The following HM13 variants were observed in gnomAD, a reference collection of about 807,000 sequenced individuals.
HM13 encodes the protein signal peptide peptidase.
HM13 carries 18 observed loss-of-function variants against 50.0 expected under a neutral mutation model. The observed-to-expected ratio is 0.36, with a 90% CI of 0.25 to 0.53. The LOEUF (loss-of-function observed/expected upper bound fraction) is 0.53, where lower values mean the gene tolerates loss of function less well. Ranked by LOEUF, HM13 falls within the 20% of genes least tolerant of loss-of-function variation. The pLI is 0.90. For missense variants in HM13, 393 were observed against 552.4 expected, an observed-to-expected ratio of 0.71 and a Z score of 2.89; for synonymous variants, 197 against 232.6, an observed-to-expected ratio of 0.85 and a Z score of 1.39.
rs6142177 is a variant in HM13 at position 31,536,564 on chromosome 20, A to G, written c.283-1615A>G. ...TGTCAAACCCTGCCATCAGCACTCC[A>G]GTACCAGCCTGTCTCATGCAGGCAA... On this transcript the variant is annotated intron_variant, in intron 2 of 12. Coordinates refer to ENST00000398174, the MANE Select transcript of HM13 (RefSeq NM_178581.3). Among the ~76,000 whole-genome samples the G allele has an allele frequency of 1.1e-4, 17 of 152,246 alleles. No individual in the cohort carries two copies. The East Asian group carries it at 3.3e-3, about 29-fold the overall frequency.
chr20:31,523,047 A>AGG (rs1568779740), intron 1 of HM13, among the ~76,000 whole-genome samples: 1 of 135,320 alleles, frequency 7.4e-6, no homozygotes, highest in Non-Finnish European at 1.5e-5. Flanking sequence ...TTTTTTTGGG[A>AGG]GGGGGGCTTT....
chr20:31,539,589 A>C (rs6058058), intron 3 of HM13: 139,148 of 743,852 alleles, frequency 0.19, 17,898 homozygotes, highest in African/African-American at 0.59. Flanking sequence ...AGGTCAGGAG[A>C]TTGAGACCAT....
chr20:31,550,038 A>C, intron 6 of HM13, 26 bp from the exon 7 acceptor site: 1 of 1,592,574 alleles, frequency 6.3e-7, no homozygotes, highest in Non-Finnish European at 8.6e-7. Context: ...ACTTCCCTTC[A>C]TACTGCTCTT....
intron 2 of HM13, among the ~76,000 whole-genome samples, chr20:31,534,157 C>T (rs960042537): frequency 5.9e-5 from 9 of 152,178 alleles, no homozygotes; most frequent in East Asian, 5.8e-4. Flanking sequence ...GGATTACAGG[C>T]GCAAGCCACT....
chr20:31,554,723 C>A, intron 7 of HM13, 23 bp from the exon 8 acceptor site: 1 of 1,604,502 alleles, frequency 6.2e-7, no homozygotes, highest in Non-Finnish European at 8.5e-7. Flanking sequence ...GCTGACTCCT[C>A]ACATTCCCGC....
chr20:31,551,635 AG>A (rs1984038474), intron 7 of HM13, among the ~76,000 whole-genome samples: 3 of 152,232 alleles, frequency 2.0e-5, no homozygotes, highest in Admixed American at 2.0e-4. Context: ...AGAATCCGTC[AG>A]GCATGCTAGC....
At chr20:31,558,869 G>T (rs113826027) in intron 8 of HM13, among the ~76,000 whole-genome samples, 1 of 151,208 alleles carries the variant, frequency 6.6e-6, no homozygotes, top group African/African-American at 2.4e-5. Context: ...GACTACAGGT[G>T]CCTGCCACCA....
At chr20:31,534,512 C>T (rs1466662808) in intron 2 of HM13, among the ~76,000 whole-genome samples, 2 of 152,048 alleles carry the variant, frequency 1.3e-5, no homozygotes, top group East Asian at 3.9e-4. Flanking sequence ...GGCTGGGCAC[C>T]GTGGCTCACG....
intron 11 of HM13, among the ~76,000 whole-genome samples, chr20:31,567,196 TA>T (rs1035902168): frequency 2.0e-5 from 3 of 152,166 alleles, no homozygotes; most frequent in Non-Finnish European, 4.4e-5. Flanking sequence ...AAGTGGGGGC[TA>T]GGGGTGAACT....
rs147846141 is a variant in HM13, at chr20:31,535,970, T to C, written c.283-2209T>C. Among the ~76,000 whole-genome samples the C allele has an allele frequency of 4.5e-3, 681 of 152,324 alleles. 4 individuals are homozygous for C. The highest frequency in any genetic ancestry group is 0.016 in the African/African-American group (650 of 41,574). On this transcript the variant is annotated intron_variant, in intron 2 of 12. Transcript: ENST00000398174. Reference sequence around the variant, plus strand: ...CCCCTTATCCACAACAGCACCTGCATTGACCTAGCTCAGCCGAAACTCCAG... The same window carrying C: ...CCCCTTATCCACAACAGCACCTGCACTGACCTAGCTCAGCCGAAACTCCAG...
chr20:31,526,648 A>G (rs978678839), intron 1 of HM13, among the ~76,000 whole-genome samples: 1 of 152,174 alleles, frequency 6.6e-6, no homozygotes, highest in East Asian at 1.9e-4. Flanking sequence ...GCCATTATAA[A>G]TTTAATTGTG....
In HM13 at chr20:31,532,534, C is replaced by T. The variant is rs7262410; in HGVS notation, c.282+4952C>T. Among the ~76,000 whole-genome samples the T allele has an allele frequency of 9.3e-3, 1,416 of 152,130 alleles. 18 individuals carry two copies. Among genetic ancestry groups the T allele is most frequent in the African/African-American group, 0.032 (1,345 of 41,488 alleles). On this transcript the variant is annotated intron_variant, in intron 2 of 12. Transcript: ENST00000398174. ...ACTTTTTTTTTTTTCCCACTTCACT[C>T]CAATATCCACCTCCATTTCCCACCT...
intron 9 of HM13, among the ~76,000 whole-genome samples, chr20:31,561,317 G>C (rs1984596109): frequency 6.6e-6 from 1 of 152,140 alleles, no homozygotes; most frequent in South Asian, 2.1e-4. Context: ...AAGCTTTCCA[G>C]ATGATTTTTA....
intron 1 of HM13, among the ~76,000 whole-genome samples, chr20:31,526,501 T>C (rs1982501307): frequency 1.3e-5 from 2 of 152,216 alleles, no homozygotes; most frequent in Admixed American, 1.3e-4. Context: ...CCTATGTTGA[T>C]CTGTTACTCC....
intron 2 of HM13, among the ~76,000 whole-genome samples, chr20:31,529,342 C>T (rs1193426534): frequency 6.6e-6 from 1 of 152,088 alleles, no homozygotes; most frequent in Non-Finnish European, 1.5e-5. Flanking sequence ...ACCTCCTGGG[C>T]TCAAGCGATC....
At chr20:31,556,750 GTGGCTTAAGCC>G (rs1335151822) in intron 8 of HM13, among the ~76,000 whole-genome samples, 1 of 151,942 alleles carries the variant, frequency 6.6e-6, no homozygotes, top group Non-Finnish European at 1.5e-5. Flanking sequence ...GCCGGGCACG[GTGGCTTAAGCC>G]TGTAATCCCA....
At chr20:31,553,443 G>C (rs1293824552) in intron 7 of HM13, among the ~76,000 whole-genome samples, 1 of 152,148 alleles carries the variant, frequency 6.6e-6, no homozygotes, top group African/African-American at 2.4e-5. Context: ...GACTGGATTA[G>C]TAAAGAAGGC....
chr20:31,553,257 C>G (rs1984125513), intron 7 of HM13, among the ~76,000 whole-genome samples: 1 of 144,116 alleles, frequency 6.9e-6, no homozygotes, highest in Admixed American at 7.4e-5. Context: ...TATTGCGCCA[C>G]TGGACTCCAG....
intron 7 of HM13, among the ~76,000 whole-genome samples, chr20:31,553,280 A>G (rs1984126467): frequency 7.3e-6 from 1 of 137,890 alleles, no homozygotes; most frequent in Non-Finnish European, 1.5e-5. Context: ...TGGGCAACAG[A>G]GCGAGACTCC....
Sources: gnomAD v4.1 joint callset for allele counts (sites outside exome capture counted in the v4.1 genomes callset) on GRCh38, gnomAD v4.1.1 for gene constraint, MANE v1.5 for transcripts, NCBI Gene and HGNC (gene_info 2026-07-23, HGNC 2026-07-21) for gene names.